The following C1orf53 variants were observed in gnomAD, a reference collection of about 807,000 sequenced individuals.
The protein encoded by C1orf53 is chromosome 1 open reading frame 53.
Under a neutral mutation model 17.5 loss-of-function variants are expected in C1orf53, and 23 were observed. The observed-to-expected ratio is 1.31, with a 90% CI of 0.94 to 1.86. C1orf53 has a LOEUF of 1.86. C1orf53 is among the 40% of genes most tolerant of loss of function. C1orf53 has a pLI of 0.00. For synonymous variants in C1orf53, 108 were observed against 81.9 expected, an observed-to-expected ratio of 1.32 and a Z score of -1.72; for missense variants, 255 against 193.2, an observed-to-expected ratio of 1.32 and a Z score of -1.89.
intron 1 of C1orf53, chr1:197,905,453 C>T (rs1271488524): frequency 2.4e-5 from 4 of 164,678 alleles, no homozygotes; most frequent in Non-Finnish European, 5.2e-5. Context: ...CTCTTAAGCT[C>T]TTAAAATCAT....
At position 197,902,923 on chromosome 1, in the gene C1orf53, C is replaced by A. The variant is rs761330755; in HGVS notation, c.264+10C>A. ...CGCTGCCGCCTGCGCGGTGAGACTC[C>A]CTCCTGCCCGCCCCGCCCCGCCGCG... On this transcript the variant is annotated intron_variant, in intron 1 of 2. Transcript: ENST00000367393. 1 of 1,384,440 alleles carries A rather than the reference C, an allele frequency of 7.2e-7. No individual in the cohort carries two copies. Among genetic ancestry groups the A allele is most frequent in the East Asian group, 3.1e-5 (1 of 32,480 alleles). 85.8% of individuals were successfully genotyped at this position (1,384,440 alleles called of 1,614,324 possible).
intron 1 of C1orf53, among the ~76,000 whole-genome samples, chr1:197,905,055 A>C (rs1367136442): frequency 6.6e-6 from 1 of 152,228 alleles, no homozygotes; most frequent in Non-Finnish European, 1.5e-5. Flanking sequence ...TATGTTATTT[A>C]CTTTTCCCTT....
chr1:197,905,983 TA>T (rs1457929873), intron 2 of C1orf53, 86 bp downstream of exon 2: 1 of 1,055,222 alleles, frequency 9.5e-7, no homozygotes, highest in African/African-American at 1.6e-5. Context: ...ACAAGTCAAA[TA>T]AAAAACCAAA....
chr1:197,902,648 G>T lies in C1orf53; in HGVS notation c.-2G>T. On this transcript the variant is annotated 5_prime_UTR_variant, in exon 1 of 3. Transcript: ENST00000367393. ...GCTCCGCCTCCCAAGGCCGGCGGCG[G>T]CATGGCGGCCAGGCAGATCTGGGCA... The T allele has an allele frequency of 7.0e-7, 1 of 1,427,578 alleles. No homozygotes were observed. The highest frequency in any genetic ancestry group is 9.1e-7 in the Non-Finnish European group (1 of 1,096,204). 88.4% of individuals were successfully genotyped at this position (1,427,578 alleles called of 1,614,324 possible).
rs981560047 is a variant in C1orf53 at position 197,905,997 on chromosome 1, G to T, written c.366+100G>T. On this transcript the variant is annotated intron_variant, in intron 2 of 2. Coordinates refer to ENST00000367393, the MANE Select transcript of C1orf53 (RefSeq NM_001024594.3). ...AACAAGTCAAATAAAAAACCAAATA[G>T]ACCTGGAGTGAACTTTTCACAAGCT... is the stretch of plus-strand genomic sequence containing the variant. The T allele has an allele frequency of 4.5e-6, 4 of 891,882 alleles. No homozygotes were observed. In the Admixed American group the frequency reaches 7.6e-5, roughly 17 times the overall value. The allele number at this position is 891,882 out of a possible 1,614,324, so 55.2% of individuals were successfully genotyped here.
rs1423901810 is a variant in C1orf53 at position 197,907,193 on chromosome 1, G to A, written c.411G>A (p.Lys137=). ...ATGTTAAAGATCCATCTAAAAAGAA[G>A]CAATTCAATTCATATTTTTATGTTT... is the stretch of plus-strand genomic sequence containing the variant. ...QVNVKDPSKK[K]QFNSYFYV Residue 137 remains lysine, a synonymous_variant, in exon 3 of 3, where the codon AAG becomes AAA. Transcript: ENST00000367393. 1.3e-6 allele frequency: 2 copies of A among 1,582,522 alleles called. No individual in the cohort carries two copies. Among genetic ancestry groups the A allele is most frequent in the Non-Finnish European group, 8.6e-7 (1 of 1,156,422 alleles).
intron 1 of C1orf53, among the ~76,000 whole-genome samples, chr1:197,904,172 C>T (rs1172237335): frequency 1.3e-5 from 2 of 152,218 alleles, no homozygotes; most frequent in Non-Finnish European, 2.9e-5. Flanking sequence ...TCACTATGGT[C>T]CTTCTTCCAG....
At chr1:197,904,890 T>C (rs1659496200) in intron 1 of C1orf53, among the ~76,000 whole-genome samples, 1 of 103,728 alleles carries the variant, frequency 9.6e-6, no homozygotes, top group Non-Finnish European at 1.9e-5. Context: ...GACATGCAAG[T>C]TTCATGTGTA....
chr1:197,905,759 T>G, intron 1 of C1orf53, 37 bp from the exon 2 acceptor site: 2 of 1,310,258 alleles, frequency 1.5e-6, no homozygotes, highest in Non-Finnish European at 2.2e-6. Flanking sequence ...TGATGAATAT[T>G]GAGATTAATG....
chr1:197,904,534 G>T (rs1298340784), intron 1 of C1orf53, among the ~76,000 whole-genome samples: 1 of 152,126 alleles, frequency 6.6e-6, no homozygotes, highest in Non-Finnish European at 1.5e-5. Flanking sequence ...CTCCAAACAC[G>T]AGCTTCGTAA....
chr1:197,907,161 C>G lies in C1orf53; in HGVS notation c.379C>G (p.Gln127Glu). ...GSACRHCPYG[Q>E]VNVKDPSKKK... Reference sequence around the variant, plus strand: ...ATTTCTTCTGCAGTGTCCATATGGTCAAGTCAATGTTAAAGATCCATCTAA... The same window carrying G: ...ATTTCTTCTGCAGTGTCCATATGGTGAAGTCAATGTTAAAGATCCATCTAA... Residue 127 changes from glutamine (Q) to glutamate (E), a missense_variant, in exon 3 of 3, where the codon CAA (glutamine) becomes GAA (glutamate). By Grantham distance (29) the Gln-to-Glu change is conservative. Coordinates refer to ENST00000367393, the MANE Select transcript of C1orf53 (RefSeq NM_001024594.3). 1 of 1,569,970 alleles carries G rather than the reference C, an allele frequency of 6.4e-7. No homozygotes were observed. The highest frequency in any genetic ancestry group is 8.7e-7 in the Non-Finnish European group (1 of 1,148,692).
chr1:197,906,378 A>G (rs1377748124), intron 2 of C1orf53, among the ~76,000 whole-genome samples: 2 of 131,270 alleles, frequency 1.5e-5, no homozygotes, highest in Non-Finnish European at 3.3e-5. Flanking sequence ...TCTTCTTTCC[A>G]TCTCTCTCTC....
chr1:197,902,937 C>G, intron 1 of C1orf53, 24 bp downstream of exon 1: 2 of 1,345,134 alleles, frequency 1.5e-6, no homozygotes, highest in Non-Finnish European at 1.9e-6. Context: ...CTGCCCGCCC[C>G]GCCCCGCCGC....
rs775293254 is a variant in C1orf53, at chr1:197,902,780, C to A, written c.131C>A (p.Ala44Asp). The A allele has an allele frequency of 6.3e-7, 1 of 1,579,992 alleles. No homozygotes were observed. Among genetic ancestry groups the A allele is most frequent in the Admixed American group, 1.7e-5 (1 of 57,178 alleles). Residue 44 changes from alanine (A) to aspartate (D), a missense_variant, in exon 1 of 3, where the codon GCT (alanine) becomes GAT (aspartate). Physicochemically the swap from Ala to Asp is moderately radical, Grantham distance 126. Transcript: ENST00000367393. ...RQQLSLTLCP[A>D]NEGNCGGSAP... ...CAGCTCAGCTTAACCCTCTGCCCTG[C>A]TAACGAGGGAAACTGCGGCGGCTCC...
chr1:197,903,589 GA>G (rs578062132), intron 1 of C1orf53, among the ~76,000 whole-genome samples: 179 of 152,014 alleles, frequency 1.2e-3, no homozygotes, highest in African/African-American at 4.1e-3. Context: ...GAAACAGTGA[GA>G]AAAAAAGAGA....
chr1:197,905,808 A>G lies in C1orf53; in HGVS notation c.277A>G (p.Asn93Asp), dbSNP rs1483708440. 1.2e-6 allele frequency: 2 copies of G among 1,612,982 alleles called. No homozygotes were observed. Among genetic ancestry groups the G allele is most frequent in the African/African-American group, 1.3e-5 (1 of 74,892 alleles). The part of the protein sequence containing the change: ...HAAACAAGQL[N>D]YVDPATGYVV... The stretch of plus-strand genomic sequence containing the variant: ...TATTGCACTTCAGGCTGGCCAGCTA[A>G]ACTATGTGGATCCAGCTACTGGCTA... Residue 93 changes from asparagine to aspartate, a missense_variant, in exon 2 of 3, where the codon AAC becomes GAC. By Grantham distance (23) the Asn-to-Asp change is conservative. Transcript: ENST00000367393.
chr1:197,905,608 C>T, intron 1 of C1orf53, 188 bp from the exon 2 acceptor site: 1 of 536,270 alleles, frequency 1.9e-6, no homozygotes, highest in Non-Finnish European at 3.3e-6. Flanking sequence ...CTCCTTATGT[C>T]ACATAAAGTT....
chr1:197,904,859 AC>A (rs891977779), intron 1 of C1orf53, among the ~76,000 whole-genome samples: 13 of 152,144 alleles, frequency 8.5e-5, no homozygotes, highest in African/African-American at 2.7e-4. Flanking sequence ...GGTGGTTCAT[AC>A]AAAAATGTGT....
Position 197,902,931 on chromosome 1 carries a change from C to G in C1orf53, c.264+18C>G. 7.4e-7 allele frequency: 1 copy of G among 1,350,094 alleles called. No homozygotes were observed. Among genetic ancestry groups the G allele is most frequent in the Non-Finnish European group, 9.5e-7 (1 of 1,057,398 alleles). The allele number at this position is 1,350,094 out of a possible 1,614,324, so 83.6% of individuals were successfully genotyped here. ...CCTGCGCGGTGAGACTCCCTCCTGC[C>G]CGCCCCGCCCCGCCGCGGCCGCCCC... On this transcript the variant is annotated intron_variant, in intron 1 of 2. Transcript: ENST00000367393.
Sources: gnomAD v4.1 joint callset for allele counts (sites outside exome capture counted in the v4.1 genomes callset) on GRCh38, gnomAD v4.1.1 for gene constraint, MANE v1.5 for transcripts, NCBI Gene and HGNC (gene_info 2026-07-23, HGNC 2026-07-21) for gene names.